Variants in UIMC1 observed in about 807,000 individuals in gnomAD.
UIMC1 encodes ubiquitin interaction motif containing 1, also known as BRCA1-A complex subunit RAP80.
Under a neutral mutation model 84.9 loss-of-function variants are expected in UIMC1, and 42 were observed. The observed-to-expected ratio is 0.49, with a 90% CI of 0.39 to 0.64. UIMC1 has a LOEUF of 0.64. Among genes scored for constraint, UIMC1 ranks in the 30% least tolerant of loss-of-function variants. The probability of loss-of-function intolerance (pLI) is 0.00; values close to 1 mark genes in which losing one functional copy is unlikely to be tolerated. For missense variants in UIMC1, 825 were observed against 847.6 expected (o/e 0.97, Z 0.33); for synonymous variants, 281 against 293.0 (o/e 0.96, Z 0.42).
chr5:177,015,745 G>A (rs988230884), intron 1 of UIMC1, among the ~76,000 whole-genome samples: 4 of 152,122 alleles, frequency 2.6e-5, no homozygotes, highest in African/African-American at 7.2e-5. Context: ...GGCATCCCCT[G>A]AAGACACTGC....
rs536002466 is a variant in UIMC1 at position 176,911,404 on chromosome 5, A to AAT, written c.1598-17_1598-16dup. On this transcript the variant is annotated splice_polypyrimidine_tract_variant and intron_variant, in intron 10 of 14. Transcript: ENST00000511320. ...CCGAGTCAATACTTTTAATATAAAA[A>AAT]ATATATATATATACACATAGTTAGC... 123 of 1,519,810 alleles carry AAT rather than the reference A, an allele frequency of 8.1e-5. No individual in the cohort carries two copies. The highest frequency in any genetic ancestry group is 5.8e-4 in the Middle Eastern group (3 of 5,152). 94.1% of individuals were successfully genotyped at this position (1,519,810 alleles called of 1,614,324 possible). A position where few individuals can be genotyped will look rare whatever the true frequency, so the allele number is the denominator to read the frequency against.
At chr5:176,995,458 AGAATT>A (rs200771817) in intron 1 of UIMC1, among the ~76,000 whole-genome samples, 1,553 of 147,306 alleles carry the variant, frequency 0.011, 10 homozygotes, top group South Asian at 0.024. Flanking sequence ...CTGGGGTAGG[AGAATT>A]GAATTGCTTG....
At position 176,951,398 on chromosome 5, in the gene UIMC1, A is replaced by G. The variant is rs576031239; in HGVS notation, c.1443+76T>C. Reference sequence around the variant, plus strand: ...CCTGCCACCTAAATCTTTTCAGCCAATGTCAACGTTGCATCAGAGAGAGGA... The same window carrying G: ...CCTGCCACCTAAATCTTTTCAGCCAGTGTCAACGTTGCATCAGAGAGAGGA... On this transcript the variant is annotated intron_variant, in intron 9 of 14. Transcript: ENST00000511320. 1,194 of 1,138,714 alleles carry G rather than the reference A, an allele frequency of 1.0e-3. 11 individuals carry two copies. In the South Asian group the frequency reaches 0.011, roughly 10 times the overall value. 70.5% of individuals were successfully genotyped at this position (1,138,714 alleles called of 1,614,324 possible).
At chr5:176,994,417 T>A (rs1411304632) in intron 1 of UIMC1, among the ~76,000 whole-genome samples, 1 of 149,612 alleles carries the variant, frequency 6.7e-6, no homozygotes, top group South Asian at 2.1e-4. Context: ...ACAATACAAA[T>A]GTGGGCAGGA....
At position 176,905,178 on chromosome 5, in the gene UIMC1, C is replaced by T. The variant is rs1363028815; in HGVS notation, c.*104G>A. 1.6e-6 allele frequency: 2 copies of T among 1,255,170 alleles called. No homozygotes were observed. The highest frequency in any genetic ancestry group is 2.4e-5 in the East Asian group (1 of 41,174). 77.8% of individuals were successfully genotyped at this position (1,255,170 alleles called of 1,614,324 possible). A position where few individuals can be genotyped will look rare whatever the true frequency, so the allele number is the denominator to read the frequency against. ...GGGTAGGTGCTGGTGGTGAAAACTG[C>T]AGGGCTAAAACTTGCTCAACAATGA... is the stretch of plus-strand genomic sequence containing the variant. On this transcript the variant is annotated 3_prime_UTR_variant, in exon 15 of 15. Coordinates refer to ENST00000511320, the MANE Select transcript of UIMC1 (RefSeq NM_001199298.2).
intron 6 of UIMC1, among the ~76,000 whole-genome samples, chr5:176,965,533 G>C (rs1768163748): frequency 1.3e-5 from 2 of 151,824 alleles, no homozygotes; most frequent in South Asian, 4.2e-4. Flanking sequence ...AGTTGCCTGG[G>C]TTGGTCTCAA....
At chr5:176,993,126 A>G (rs1363647474) in intron 1 of UIMC1, among the ~76,000 whole-genome samples, 2 of 150,600 alleles carry the variant, frequency 1.3e-5, no homozygotes, top group African/African-American at 4.9e-5. Context: ...ACAGGGGTTG[A>G]GCCAAGACTG....
chr5:176,970,505 C>G, intron 4 of UIMC1: 1 of 536,282 alleles, frequency 1.9e-6, no homozygotes, highest in Non-Finnish European at 3.3e-6. Context: ...ATTCTTTCAA[C>G]CATGAACTAA....
intron 6 of UIMC1, among the ~76,000 whole-genome samples, chr5:176,967,257 C>A (rs1768443789): frequency 6.6e-6 from 1 of 151,078 alleles, no homozygotes. Flanking sequence ...ACAGTAAACT[C>A]TGACTAATCC....
intron 10 of UIMC1, among the ~76,000 whole-genome samples, chr5:176,942,671 A>G (rs1386425636): frequency 3.3e-5 from 5 of 150,092 alleles, no homozygotes; most frequent in Admixed American, 1.3e-4. Context: ...GTGTGAACCC[A>G]GGAGGCGGAG....
rs146569700 is a variant in UIMC1 at position 177,015,921 on chromosome 5, T to C, written c.-9+6543A>G. On this transcript the variant is annotated intron_variant, in intron 1 of 5. Transcript: ENST00000509236. ...CCTGTCTCTACCTAAAATTAAAAAA[T>C]TAGCCAGACGTGGTGGCGCACATCT... Among the ~76,000 whole-genome samples, 141 of 151,930 alleles carry C rather than the reference T, an allele frequency of 9.3e-4. 2 individuals carry two copies. The highest frequency in any genetic ancestry group is 7.2e-3 in the East Asian group (37 of 5,146).
chr5:176,949,923 G>A (rs1038535317), intron 9 of UIMC1, among the ~76,000 whole-genome samples: 4 of 151,506 alleles, frequency 2.6e-5, no homozygotes, highest in African/African-American at 9.7e-5. Flanking sequence ...GCATGGTGGC[G>A]GGCACCTGTA....
intron 6 of UIMC1, among the ~76,000 whole-genome samples, chr5:176,962,020 C>T (rs1228838714): frequency 4.2e-3 from 196 of 47,210 alleles, no homozygotes; most frequent in Admixed American, 5.9e-3. Context: ...CCCGGCCAGC[C>T]GCCCCGTCCG....
chr5:176,913,303 A>G (rs1359522306), intron 10 of UIMC1, among the ~76,000 whole-genome samples: 2 of 152,208 alleles, frequency 1.3e-5, no homozygotes, highest in East Asian at 1.9e-4. Context: ...ACTTTTCCCC[A>G]GTTTTAATGG....
intron 1 of UIMC1, among the ~76,000 whole-genome samples, chr5:176,995,203 T>C (rs937828359): frequency 6.6e-6 from 1 of 152,156 alleles, no homozygotes; most frequent in Non-Finnish European, 1.5e-5. Flanking sequence ...ATAGCAGCTC[T>C]TTCCATAATG....
chr5:176,990,999 TTTTTTA>T (rs901885021), intron 1 of UIMC1, among the ~76,000 whole-genome samples: 8 of 151,948 alleles, frequency 5.3e-5, no homozygotes, highest in African/African-American at 1.2e-4. Flanking sequence ...TTTTATTTTA[TTTTTTA>T]TTTTTATTTT....
intron 10 of UIMC1, among the ~76,000 whole-genome samples, chr5:176,930,755 G>A (rs1168102769): frequency 6.6e-6 from 1 of 152,220 alleles, no homozygotes; most frequent in Non-Finnish European, 1.5e-5. Context: ...TCACCAGAAA[G>A]AAGTAATGTT....
At chr5:176,970,630 G>C (rs1769065984) in intron 4 of UIMC1, 112 bp downstream of exon 4, 2 of 1,548,136 alleles carry the variant, frequency 1.3e-6, no homozygotes, top group Non-Finnish European at 1.8e-6. Flanking sequence ...ATTTTTGTTA[G>C]GTGAAAACCC....
intron 1 of UIMC1, among the ~76,000 whole-genome samples, chr5:176,998,826 T>C (rs1774027272): frequency 1.3e-5 from 2 of 152,086 alleles, no homozygotes; most frequent in African/African-American, 4.8e-5. Context: ...TAATTTAGTG[T>C]AGTGAATGTA....
Sources: allele counts gnomAD v4.1 joint callset (sites outside exome capture counted in the v4.1 genomes callset), GRCh38; gene constraint gnomAD v4.1.1; transcripts MANE v1.5; gene names NCBI Gene and HGNC (gene_info 2026-07-23, HGNC 2026-07-21).